NSD2: variants seen among roughly 807,000 people sequenced by gnomAD.
NSD2 encodes nuclear receptor binding SET domain protein 2.
NSD2 carries 12 observed loss-of-function variants against 139.0 expected under a neutral mutation model. That is an observed-to-expected ratio of 0.09 (90% CI 0.06 to 0.14). The LOEUF (loss-of-function observed/expected upper bound fraction) is 0.14. NSD2 is among the 10% of genes least tolerant of loss of function. The pLI is 1.00. For synonymous variants in NSD2, 669 were observed against 648.7 expected, an observed-to-expected ratio of 1.03 and a Z score of -0.48; for missense variants, 1,155 against 1,745.0, an observed-to-expected ratio of 0.66 and a Z score of 6.02.
chr4:1,928,758 G>A (rs549250131), intron 5 of NSD2, among the ~76,000 whole-genome samples: 5 of 152,170 alleles, frequency 3.3e-5, no homozygotes, highest in Admixed American at 1.3e-4. Flanking sequence ...GTGGGTGGGA[G>A]GGCAGCAGGC....
At chr4:1,936,335 T>G (rs1464836115) in intron 7 of NSD2, among the ~76,000 whole-genome samples, 1 of 152,220 alleles carries the variant, frequency 6.6e-6, no homozygotes, top group East Asian at 1.9e-4. Flanking sequence ...GAACTGAGAC[T>G]TTAATTAGAC....
chr4:1,885,994 T>C (rs1224840114), intron 1 of NSD2, among the ~76,000 whole-genome samples: 2 of 152,244 alleles, frequency 1.3e-5, no homozygotes, highest in Non-Finnish European at 2.9e-5. Flanking sequence ...GAATAATTTG[T>C]AGAATACAGA....
chr4:1,896,343 T>A (rs910051816), intron 1 of NSD2, among the ~76,000 whole-genome samples: 1 of 152,254 alleles, frequency 6.6e-6, no homozygotes, highest in Admixed American at 6.5e-5. Context: ...TGTTCCCTTT[T>A]CATTTCTAGA....
At chr4:1,917,778 C>CT (rs34000332) in intron 4 of NSD2, among the ~76,000 whole-genome samples, 4,595 of 122,646 alleles carry the variant, frequency 0.037, 104 homozygotes, top group Middle Eastern at 0.044. Context: ...TAAAAGTATT[C>CT]TTTTTTTTTT....
At chr4:1,964,631 CGCT>C (rs961893306) in intron 18 of NSD2, among the ~76,000 whole-genome samples, 2 of 151,730 alleles carry the variant, frequency 1.3e-5, no homozygotes, top group Non-Finnish European at 2.9e-5. Flanking sequence ...AGGTGCGCTG[CGCT>C]GCCGTTGTTA....
At chr4:1,941,945 T>G in intron 9 of NSD2, 1 of 1,077,334 alleles carries the variant, frequency 9.3e-7, no homozygotes, top group Non-Finnish European at 1.1e-6. Context: ...TGGGCCCGAT[T>G]CTGATATGAG....
intron 5 of NSD2, among the ~76,000 whole-genome samples, chr4:1,927,722 A>G (rs866447842): frequency 9.4e-4 from 116 of 123,312 alleles, no homozygotes; most frequent in African/African-American, 4.4e-3. Flanking sequence ...TATCTCAGAA[A>G]AAAAAAAAAA....
At chr4:1,944,668 T>C in intron 9 of NSD2, 1 of 1,063,860 alleles carries the variant, frequency 9.4e-7, no homozygotes, top group Non-Finnish European at 1.1e-6. Flanking sequence ...CTTCAGGTAG[T>C]GCACATATTG....
intron 1 of NSD2, among the ~76,000 whole-genome samples, chr4:1,877,770 G>C (rs570132024): frequency 4.2e-4 from 64 of 152,220 alleles, no homozygotes; most frequent in African/African-American, 1.5e-3. Flanking sequence ...TCTTTGACCT[G>C]GAATGCTGTC....
intron 18 of NSD2, among the ~76,000 whole-genome samples, chr4:1,971,874 A>C (rs1183259915): frequency 1.3e-5 from 2 of 152,146 alleles, no homozygotes; most frequent in Non-Finnish European, 2.9e-5. Flanking sequence ...CCTGATGAAA[A>C]CTTCCCAAGA....
intron 5 of NSD2, among the ~76,000 whole-genome samples, chr4:1,927,932 C>T (rs1301585657): frequency 6.6e-6 from 1 of 151,846 alleles, no homozygotes; most frequent in Non-Finnish European, 1.5e-5. Flanking sequence ...TACTGTTTCC[C>T]AGGCTGGAAT....
intron 3 of NSD2, among the ~76,000 whole-genome samples, chr4:1,905,799 T>G (rs1398905062): frequency 6.6e-6 from 1 of 152,204 alleles, no homozygotes; most frequent in African/African-American, 2.4e-5. Flanking sequence ...ATGGAGGACC[T>G]TTGGCATCCT....
chr4:1,964,157 A>G (rs964049981), intron 18 of NSD2, among the ~76,000 whole-genome samples: 1 of 152,238 alleles, frequency 6.6e-6, no homozygotes, highest in Non-Finnish European at 1.5e-5. Flanking sequence ...AACTAAGTGT[A>G]TTAGAAATGG....
chr4:1,930,813 T>A, intron 6 of NSD2, 43 bp downstream of exon 6: 1 of 1,581,020 alleles, frequency 6.3e-7, no homozygotes. Flanking sequence ...TGGGTTGATG[T>A]GTGTAGTGTA....
At chr4:1,964,246 C>T (rs1337727775) in intron 18 of NSD2, among the ~76,000 whole-genome samples, 1 of 152,128 alleles carries the variant, frequency 6.6e-6, no homozygotes, top group Non-Finnish European at 1.5e-5. Context: ...TACGAACAAA[C>T]AGCAGCGGAG....
chr4:1,894,481 T>A (rs1715975195), intron 1 of NSD2, among the ~76,000 whole-genome samples: 1 of 152,034 alleles, frequency 6.6e-6, no homozygotes, highest in Non-Finnish European at 1.5e-5. Context: ...GAGACCAGCC[T>A]GGGCAATGTG....
At chr4:1,935,908 G>C (rs959241135) in intron 7 of NSD2, among the ~76,000 whole-genome samples, 3 of 152,114 alleles carry the variant, frequency 2.0e-5, no homozygotes, top group African/African-American at 7.2e-5. Flanking sequence ...CCTCTCTATA[G>C]GGCTTATTAT....
intron 9 of NSD2, chr4:1,946,899 A>G: frequency 2.8e-6 from 3 of 1,059,168 alleles, no homozygotes; most frequent in Non-Finnish European, 3.4e-6. Context: ...TTAGGTCCAC[A>G]TTTGTGTTTT....
At chr4:1,929,035 C>A (rs1382608515) in intron 5 of NSD2, among the ~76,000 whole-genome samples, 2 of 151,920 alleles carry the variant, frequency 1.3e-5, no homozygotes, top group Admixed American at 6.6e-5. Context: ...CAGAGCCAGA[C>A]CCAGAACTGC....
Sources: allele counts gnomAD v4.1 joint callset (sites outside exome capture counted in the v4.1 genomes callset), GRCh38; gene constraint gnomAD v4.1.1; transcripts MANE v1.5; gene names NCBI Gene and HGNC (gene_info 2026-07-23, HGNC 2026-07-21).